The following SHQ1 variants were observed in gnomAD, a reference collection of about 807,000 sequenced individuals.
SHQ1 encodes protein SHQ1 homolog.
SHQ1 carries 49 observed loss-of-function variants against 53.8 expected under a neutral mutation model. That is an observed-to-expected ratio of 0.91 (90% CI 0.72 to 1.16). The LOEUF is 1.16. SHQ1 is among the 50% of genes most tolerant of loss of function. The pLI is 0.00. For synonymous variants in SHQ1, 243 were observed against 251.0 expected (o/e 0.97, Z 0.30); for missense variants, 738 against 683.1 (o/e 1.08, Z -0.90).
At chr3:72,742,813 G>C in the SHQ1 span, among the ~76,000 whole-genome samples, 2 of 152,022 alleles carry the variant, frequency 1.3e-5, no homozygotes, top group Non-Finnish European at 2.9e-5. Context: ...TTTTAGTAGA[G>C]ATGGGGTTTT....
chr3:72,731,361 C>A, the SHQ1 span, among the ~76,000 whole-genome samples: 2 of 151,494 alleles, frequency 1.3e-5, no homozygotes, highest in Non-Finnish European at 2.9e-5. Flanking sequence ...TCCATAAATT[C>A]TTTTCAATCA....
the SHQ1 span, among the ~76,000 whole-genome samples, chr3:72,742,845 T>C: frequency 1.3e-5 from 2 of 152,174 alleles, no homozygotes; most frequent in Non-Finnish European, 2.9e-5. Flanking sequence ...CAGGCTGGTC[T>C]CGAACTGCTG....
At position 72,750,022 on chromosome 3, in the gene SHQ1, T is replaced by A; in HGVS notation, c.*262A>T. On this transcript the variant is annotated 3_prime_UTR_variant, in exon 11 of 11. Transcript: ENST00000325599. ...ATTACTTATATTACCCAATACAATG[T>A]AAATGCTGTGGAAATAGTTGTCATA... is the stretch of plus-strand genomic sequence containing the variant. 2.2e-5 allele frequency: 10 copies of A among 451,878 alleles called. No homozygotes were observed. The South Asian group carries it at 2.7e-4, about 12-fold the overall frequency. 28.0% of individuals were successfully genotyped at this position (451,878 alleles called of 1,614,324 possible). A position where few individuals can be genotyped will look rare whatever the true frequency, so the allele number is the denominator to read the frequency against.
chr3:72,796,349 G>C (rs752847203), intron 9 of SHQ1, among the ~76,000 whole-genome samples: 3 of 152,014 alleles, frequency 2.0e-5, no homozygotes, highest in Non-Finnish European at 4.4e-5. Context: ...ATGTAAAAAG[G>C]TATGGAGTTA....
At chr3:72,819,007 G>A (rs1707399688) in intron 6 of SHQ1, among the ~76,000 whole-genome samples, 1 of 152,192 alleles carries the variant, frequency 6.6e-6, no homozygotes, top group Non-Finnish European at 1.5e-5. Flanking sequence ...AAAAAAATAA[G>A]ATGGATATCT....
the SHQ1 span, among the ~76,000 whole-genome samples, chr3:72,732,379 TGCCTG>T: frequency 2.8e-3 from 380 of 133,976 alleles, 1 homozygote; most frequent in African/African-American, 0.011. Flanking sequence ...CCTGCCTGCC[TGCCTG>T]CCTGCCTTCC....
chr3:72,841,291 TA>T, intron 3 of SHQ1, 92 bp from the exon 4 acceptor site: 1 of 952,646 alleles, frequency 1.0e-6, no homozygotes, highest in Non-Finnish European at 1.5e-6. Flanking sequence ...CACAAAGATG[TA>T]CCAAAAGACA....
intron 8 of SHQ1, among the ~76,000 whole-genome samples, chr3:72,813,267 G>C (rs1707181195): frequency 6.6e-6 from 1 of 151,688 alleles, no homozygotes. Flanking sequence ...AGGAGTTCGA[G>C]ACCTCCCTGG....
At chr3:72,730,707 T>C in the SHQ1 span, among the ~76,000 whole-genome samples, 1 of 152,150 alleles carries the variant, frequency 6.6e-6, no homozygotes, top group Non-Finnish European at 1.5e-5. Flanking sequence ...CCCTTTCATC[T>C]CTTAGAATTA....
chr3:72,798,046 C>T (rs1378454397), intron 9 of SHQ1, among the ~76,000 whole-genome samples: 1 of 152,216 alleles, frequency 6.6e-6, no homozygotes, highest in African/African-American at 2.4e-5. Context: ...TACACGGTTC[C>T]TGTGGGGATC....
chr3:72,829,066 G>C (rs1338745000), intron 5 of SHQ1, among the ~76,000 whole-genome samples: 1 of 151,778 alleles, frequency 6.6e-6, no homozygotes, highest in African/African-American at 2.4e-5. Flanking sequence ...AAATACTACA[G>C]AGAAAAATGG....
intron 8 of SHQ1, among the ~76,000 whole-genome samples, chr3:72,813,395 G>A (rs1473785724): frequency 1.3e-5 from 2 of 151,312 alleles, no homozygotes; most frequent in Non-Finnish European, 2.9e-5. Flanking sequence ...GATCCTGGGA[G>A]GCAGAGGCTG....
chr3:72,833,273 T>A (rs1159173737), intron 4 of SHQ1, among the ~76,000 whole-genome samples: 1 of 151,938 alleles, frequency 6.6e-6, no homozygotes, highest in Non-Finnish European at 1.5e-5. Flanking sequence ...AAACCCCATC[T>A]CCACAAAAAA....
intron 5 of SHQ1, among the ~76,000 whole-genome samples, chr3:72,826,527 C>T (rs1392441602): frequency 6.6e-6 from 1 of 152,234 alleles, no homozygotes; most frequent in Non-Finnish European, 1.5e-5. Context: ...CCATTCATGA[C>T]AAGACACAGA....
chr3:72,812,466 G>A (rs111332500), intron 9 of SHQ1, among the ~76,000 whole-genome samples: 33 of 151,964 alleles, frequency 2.2e-4, no homozygotes, highest in Admixed American at 1.8e-3. Flanking sequence ...TACTCCTCTC[G>A]GAAAAGAGTC....
At chr3:72,779,978 T>C (rs1274827155) in intron 10 of SHQ1, among the ~76,000 whole-genome samples, 1 of 152,216 alleles carries the variant, frequency 6.6e-6, no homozygotes, top group Non-Finnish European at 1.5e-5. Flanking sequence ...CTCATGCCTA[T>C]AATCCTAGCA....
chr3:72,830,842 G>A (rs1707802964), intron 5 of SHQ1, among the ~76,000 whole-genome samples: 1 of 152,154 alleles, frequency 6.6e-6, no homozygotes, highest in African/African-American at 2.4e-5. Context: ...AAAAATAAGG[G>A]CTGCTTATAA....
At chr3:72,840,242 T>TAAAAAAAAAAAAAAAAA (rs71623990) in intron 4 of SHQ1, among the ~76,000 whole-genome samples, 7 of 93,564 alleles carry the variant, frequency 7.5e-5, no homozygotes, top group Admixed American at 1.2e-4. Flanking sequence ...GACTCTGTCT[T>TAAAAAAAAAAAAAAAAA]AAAAAAAAAA....
At chr3:72,790,203 A>C (rs1253325910) in intron 10 of SHQ1, among the ~76,000 whole-genome samples, 1 of 152,224 alleles carries the variant, frequency 6.6e-6, no homozygotes, top group Non-Finnish European at 1.5e-5. Flanking sequence ...GCATTACAAG[A>C]CACAGATATC....
Sources: gnomAD v4.1 joint callset for allele counts (sites outside exome capture counted in the v4.1 genomes callset) on GRCh38, gnomAD v4.1.1 for gene constraint, MANE v1.5 for transcripts, NCBI Gene and HGNC (gene_info 2026-07-23, HGNC 2026-07-21) for gene names.